The following RAB43 variants were observed in gnomAD, a reference collection of about 807,000 sequenced individuals.
RAB43 encodes the protein RAB43, member RAS oncogene family.
Under a neutral mutation model 18.8 loss-of-function variants are expected in RAB43, and 6 were observed. The ratio of observed to expected loss-of-function variants is 0.32; its 90% CI spans 0.17 to 0.63. The LOEUF (loss-of-function observed/expected upper bound fraction) is 0.63. RAB43 is among the 30% of genes least tolerant of loss of function. The pLI, the probability that RAB43 is intolerant of heterozygous loss-of-function variation, is 0.79. For missense variants in RAB43, 195 were observed against 289.1 expected, an observed-to-expected ratio of 0.67 and a Z score of 2.36; for synonymous variants, 103 against 124.1, an observed-to-expected ratio of 0.83 and a Z score of 1.13.
chr3:129,114,596 G>T (rs1935402598), intron 1 of RAB43, among the ~76,000 whole-genome samples: 1 of 152,174 alleles, frequency 6.6e-6, no homozygotes, highest in Admixed American at 6.5e-5. Context: ...CATACCCAAA[G>T]CACCCAGGAA....
chr3:129,117,792 G>A (rs1397468187), intron 1 of RAB43, among the ~76,000 whole-genome samples: 1 of 152,154 alleles, frequency 6.6e-6, no homozygotes, highest in Non-Finnish European at 1.5e-5. Context: ...CTGGGCTTAG[G>A]AGCCAGCCAA....
At chr3:129,105,413 A>C (rs1339344826) in intron 1 of RAB43, among the ~76,000 whole-genome samples, 1 of 152,150 alleles carries the variant, frequency 6.6e-6, no homozygotes, top group Non-Finnish European at 1.5e-5. Context: ...AGATCGTGCC[A>C]CTGCACTCCA....
intron 1 of RAB43, among the ~76,000 whole-genome samples, chr3:129,117,848 TTC>T (rs1174207112): frequency 6.6e-6 from 1 of 152,202 alleles, no homozygotes; most frequent in Non-Finnish European, 1.5e-5. Context: ...GGCCTCAGCT[TTC>T]TCTCTATAAA....
At chr3:129,097,164 G>A (rs962936510) in intron 1 of RAB43, among the ~76,000 whole-genome samples, 7 of 152,080 alleles carry the variant, frequency 4.6e-5, no homozygotes, top group Non-Finnish European at 7.4e-5. Flanking sequence ...GCCTAGGAGA[G>A]CAGGATAATC....
At chr3:129,102,699 T>C (rs936389044) in intron 1 of RAB43, among the ~76,000 whole-genome samples, 3 of 149,440 alleles carry the variant, frequency 2.0e-5, no homozygotes, top group Non-Finnish European at 4.4e-5. Context: ...GAGGAATTAG[T>C]GTAACAGGCA....
At chr3:129,091,831 C>T (rs1002048126) in intron 2 of RAB43, among the ~76,000 whole-genome samples, 1 of 151,528 alleles carries the variant, frequency 6.6e-6, no homozygotes, top group Non-Finnish European at 1.5e-5. Context: ...TTGGGAAGGC[C>T]GAGGTGGGTG....
At position 129,107,517 on chromosome 3, in the gene RAB43, A is replaced by G. The variant is rs1029973751; in HGVS notation, c.205-12348T>C. Among the ~76,000 whole-genome samples the G allele has an allele frequency of 6.6e-6, 1 of 152,070 alleles. No individual in the cohort carries two copies. The highest frequency in any genetic ancestry group is 6.6e-5 in the Admixed American group (1 of 15,262). On this transcript the variant is annotated intron_variant, in intron 1 of 2. Coordinates refer to ENST00000315150, the MANE Select transcript of RAB43 (RefSeq NM_198490.3). The surrounding 1 kb of genome is among the most constrained non-coding windows in gnomAD (Gnocchi z 4.2). ...AGGCTCCTTTCAGCACCAGGGAAAC[A>G]TTTGGGGTAATGAGGAAACCAAGGC...
intron 2 of RAB43, 39 bp downstream of exon 2, chr3:129,094,947 A>T: frequency 6.3e-7 from 1 of 1,589,732 alleles, no homozygotes. Context: ...GGACAGGCAG[A>T]GTGATGGGAT....
chr3:129,111,868 T>G (rs1935192969), intron 1 of RAB43, among the ~76,000 whole-genome samples: 1 of 152,176 alleles, frequency 6.6e-6, no homozygotes, highest in Non-Finnish European at 1.5e-5. Flanking sequence ...AATTCCTAAC[T>G]AGCAAACTGA....
chr3:129,106,504 G>A (rs1224366029), intron 1 of RAB43, among the ~76,000 whole-genome samples: 1 of 152,216 alleles, frequency 6.6e-6, no homozygotes, highest in Non-Finnish European at 1.5e-5. Flanking sequence ...CCACAGGCCA[G>A]GGAGTGAAGC....
chr3:129,091,302 C>T lies in RAB43; in HGVS notation c.433G>A (p.Glu145Lys). The T allele has an allele frequency of 6.3e-7, 1 of 1,597,742 alleles. No homozygotes were observed. Among genetic ancestry groups the T allele is most frequent in the Non-Finnish European group, 8.5e-7 (1 of 1,172,220 alleles). ...LSELREVSLAEAQSLAEHYDI... is the reference protein window; with the variant it reads ...LSELREVSLAKAQSLAEHYDI... ...TAGTGCTCAGCCAGGCTCTGTGCCT[C>T]AGCCAAGGAGACCTCCCGAAGCTCG... The change falls in exon 3 of 3, where the codon GAG (glutamate) becomes AAG (lysine). Residue 145 changes from glutamate (E) to lysine (K), a missense_variant. By Grantham distance (56) the Glu-to-Lys change is moderately conservative. Coordinates refer to ENST00000315150, the MANE Select transcript of RAB43 (RefSeq NM_198490.3).
chr3:129,101,078 T>C (rs1184514080), intron 1 of RAB43, among the ~76,000 whole-genome samples: 5 of 152,232 alleles, frequency 3.3e-5, no homozygotes, highest in African/African-American at 9.6e-5. Flanking sequence ...AGTGCTGGGA[T>C]TGCAGGTGTG....
intron 2 of RAB43, 31 bp downstream of exon 2, chr3:129,094,955 G>T (rs1933938576): frequency 2.5e-6 from 4 of 1,596,952 alleles, no homozygotes; most frequent in African/African-American, 1.3e-5. Flanking sequence ...AGAGTGATGG[G>T]ATTTGTGGTC....
intron 1 of RAB43, among the ~76,000 whole-genome samples, chr3:129,097,439 C>G (rs1215308950): frequency 6.6e-6 from 1 of 152,182 alleles, no homozygotes; most frequent in East Asian, 1.9e-4. Context: ...CCCAACCAAC[C>G]AGTAGTCAAG....
At chr3:129,093,199 C>T (rs1373232100) in intron 2 of RAB43, among the ~76,000 whole-genome samples, 3 of 151,832 alleles carry the variant, frequency 2.0e-5, no homozygotes, top group Non-Finnish European at 4.4e-5. Flanking sequence ...CCATGTTGCC[C>T]AGGCTGGTCT....
Position 129,091,063 on chromosome 3 carries a change from G to A in RAB43, c.*33C>T. On this transcript the variant is annotated 3_prime_UTR_variant, in exon 3 of 3. Transcript: ENST00000315150. ...GGCAGGCTGGGGAGAGCAAGGAGGT[G>A]GGGAACCCCCAGTCTGCCGGCCCGG... 6.2e-7 allele frequency: 1 copy of A among 1,608,206 alleles called. No individual in the cohort carries two copies. Among genetic ancestry groups the A allele is most frequent in the Non-Finnish European group, 8.5e-7 (1 of 1,178,646 alleles).
chr3:129,101,289 C>G (rs756531200), intron 1 of RAB43, among the ~76,000 whole-genome samples: 5 of 152,190 alleles, frequency 3.3e-5, no homozygotes, highest in Admixed American at 6.5e-5. Context: ...AAAGAGAATA[C>G]ATATAGTACC....
chr3:129,112,016 A>G (rs1935201428), intron 1 of RAB43, among the ~76,000 whole-genome samples: 1 of 152,202 alleles, frequency 6.6e-6, no homozygotes, highest in Non-Finnish European at 1.5e-5. Flanking sequence ...TGGGAGGCTG[A>G]GGCAGGTGGA....
chr3:129,121,163 A>AAAAGGG (rs1935901012), intron 1 of RAB43, 123 bp downstream of exon 1: 2 of 895,794 alleles, frequency 2.2e-6, no homozygotes, highest in Non-Finnish European at 3.3e-6. Context: ...CGAGGAAGGA[A>AAAAGGG]AAAGGGGAAG....
Sources: gnomAD v4.1 joint callset for allele counts (sites outside exome capture counted in the v4.1 genomes callset) on GRCh38, gnomAD v4.1.1 for gene constraint, Gnocchi (gnomAD v3.1) non-coding constraint, MANE v1.5 for transcripts, NCBI Gene and HGNC (gene_info 2026-07-23, HGNC 2026-07-21) for gene names.